The following LRIG1 variants were observed in gnomAD, a reference collection of about 807,000 sequenced individuals.
The protein encoded by LRIG1 is leucine rich repeats and immunoglobulin like domains 1.
A neutral mutation model predicts 99.2 loss-of-function variants in LRIG1; 48 were observed. That is an observed-to-expected ratio of 0.48 (90% CI 0.38 to 0.62). The LOEUF (loss-of-function observed/expected upper bound fraction) is 0.62, where lower values mean the gene tolerates loss of function less well. LRIG1 is among the 20% of genes least tolerant of loss of function. LRIG1 has a pLI of 0.00. For synonymous variants in LRIG1, 772 were observed against 596.1 expected (o/e 1.29, Z -4.30); for missense variants, 1,646 against 1,434.4 (o/e 1.15, Z -2.38).
intron 11 of LRIG1, 38 bp downstream of exon 11, chr3:66,398,074 A>G (rs964334337): frequency 3.4e-6 from 5 of 1,491,906 alleles, no homozygotes; most frequent in Non-Finnish European, 4.7e-6. Flanking sequence ...GAAAGTCTCC[A>G]CTACCATTAA....
intron 1 of LRIG1, among the ~76,000 whole-genome samples, chr3:66,491,588 T>C (rs527683099): frequency 2.6e-5 from 4 of 152,202 alleles, no homozygotes; most frequent in Non-Finnish European, 5.9e-5. Flanking sequence ...TTAAAATGAA[T>C]GTCAATTTTT....
At chr3:66,423,036 G>A (rs1415295035) in intron 3 of LRIG1, among the ~76,000 whole-genome samples, 1 of 152,104 alleles carries the variant, frequency 6.6e-6, no homozygotes, top group South Asian at 2.1e-4. Flanking sequence ...TCAATCACCT[G>A]CCACTGGGTC....
chr3:66,402,304 GCC>G (rs977629729), intron 9 of LRIG1, among the ~76,000 whole-genome samples: 5 of 152,196 alleles, frequency 3.3e-5, no homozygotes, highest in African/African-American at 1.2e-4. Context: ...TTGGAAACAG[GCC>G]CTGGAGTGGG....
chr3:66,488,023 A>T (rs1465527059), intron 1 of LRIG1, among the ~76,000 whole-genome samples: 2 of 152,156 alleles, frequency 1.3e-5, no homozygotes, highest in Non-Finnish European at 2.9e-5. Context: ...ATAAAAATAA[A>T]TTTTAAATCC....
At chr3:66,401,665 T>C in intron 9 of LRIG1, 2 of 1,529,640 alleles carry the variant, frequency 1.3e-6, no homozygotes, top group Non-Finnish European at 1.7e-6. Context: ...CAGACTGGGA[T>C]GGCTCTAATA....
At chr3:66,404,156 C>T (rs904033646) in intron 9 of LRIG1, 5 of 908,470 alleles carry the variant, frequency 5.5e-6, no homozygotes, top group Non-Finnish European at 7.8e-6. Context: ...AAGCAGGACC[C>T]TTGTATATAA....
intron 1 of LRIG1, among the ~76,000 whole-genome samples, chr3:66,493,111 G>C (rs1220390595): frequency 1.3e-5 from 2 of 152,180 alleles, no homozygotes; most frequent in African/African-American, 4.8e-5. Context: ...TTTCCAAAGA[G>C]AAGCGGGTAC....
chr3:66,381,377 A>C, intron 17 of LRIG1, 102 bp downstream of exon 17: 1 of 1,192,636 alleles, frequency 8.4e-7, no homozygotes, highest in Non-Finnish European at 1.2e-6. Context: ...ATTTGGAGAC[A>C]GCTGTGGACT....
At chr3:66,482,561 T>TCC (rs1700875055) in intron 1 of LRIG1, among the ~76,000 whole-genome samples, 1 of 152,182 alleles carries the variant, frequency 6.6e-6, no homozygotes, top group Non-Finnish European at 1.5e-5. Context: ...CAAGCACAAG[T>TCC]TCACATGTAA....
chr3:66,430,085 A>C (rs777443306), intron 3 of LRIG1, among the ~76,000 whole-genome samples: 6 of 152,230 alleles, frequency 3.9e-5, no homozygotes, highest in Non-Finnish European at 8.8e-5. Flanking sequence ...TTGTTGAATA[A>C]ACAAACAAAT....
At chr3:66,415,501 T>C (rs921582031) in intron 4 of LRIG1, among the ~76,000 whole-genome samples, 4 of 152,208 alleles carry the variant, frequency 2.6e-5, no homozygotes, top group African/African-American at 4.8e-5. Context: ...TTTAGAGAAA[T>C]AGCCTTTAGT....
At chr3:66,456,668 C>T (rs570731622) in intron 2 of LRIG1, among the ~76,000 whole-genome samples, 2 of 151,864 alleles carry the variant, frequency 1.3e-5, no homozygotes, top group Admixed American at 1.3e-4. Flanking sequence ...CCTAAACATA[C>T]TACCATCCCC....
chr3:66,438,258 C>T (rs544478678), intron 3 of LRIG1, among the ~76,000 whole-genome samples: 5 of 152,306 alleles, frequency 3.3e-5, no homozygotes, highest in Admixed American at 6.5e-5. Context: ...ACAGCTCAGC[C>T]GGCCTTCTCC....
At chr3:66,413,988 A>G (rs915633975) in intron 5 of LRIG1, among the ~76,000 whole-genome samples, 1 of 152,176 alleles carries the variant, frequency 6.6e-6, no homozygotes, top group East Asian at 1.9e-4. Flanking sequence ...AAAATCAGGG[A>G]AAAAAAGTCC....
At chr3:66,440,592 G>A (rs961998032) in intron 3 of LRIG1, among the ~76,000 whole-genome samples, 4 of 152,090 alleles carry the variant, frequency 2.6e-5, no homozygotes, top group South Asian at 2.1e-4. Flanking sequence ...AATACCAGGC[G>A]GCCTCCAGGG....
At chr3:66,403,106 G>A (rs1702124686) in intron 9 of LRIG1, among the ~76,000 whole-genome samples, 1 of 152,056 alleles carries the variant, frequency 6.6e-6, no homozygotes, top group African/African-American at 2.4e-5. Flanking sequence ...TGAACCCCAA[G>A]TGCCCGTGAC....
intron 3 of LRIG1, among the ~76,000 whole-genome samples, chr3:66,429,698 C>A (rs536933391): frequency 1.3e-5 from 2 of 152,032 alleles, no homozygotes; most frequent in South Asian, 4.1e-4. Flanking sequence ...AAACTATAAA[C>A]TTTAGTAATA....
chr3:66,387,428 G>C (rs76695745), intron 12 of LRIG1: 31 of 152,154 alleles, frequency 2.0e-4, no homozygotes, highest in African/African-American at 7.5e-4. Context: ...TAAAGGATAG[G>C]AGACAGTGGT....
At chr3:66,444,457 A>G (rs955892643) in intron 3 of LRIG1, among the ~76,000 whole-genome samples, 1 of 152,106 alleles carries the variant, frequency 6.6e-6, no homozygotes, top group South Asian at 2.1e-4. Flanking sequence ...CACACTGGTG[A>G]CATTAGGAGT....
Sources: allele counts gnomAD v4.1 joint callset (sites outside exome capture counted in the v4.1 genomes callset), GRCh38; gene constraint gnomAD v4.1.1; transcripts MANE v1.5; gene names NCBI Gene and HGNC (gene_info 2026-07-23, HGNC 2026-07-21).